Variants in THADA observed in about 807,000 individuals in gnomAD.
The protein encoded by THADA is tRNA (32-2'-O)-methyltransferase regulator THADA.
THADA carries 213 observed loss-of-function variants against 219.8 expected under a neutral mutation model. The ratio of observed to expected loss-of-function variants is 0.97; its 90% confidence interval spans 0.87 to 1.09. The LOEUF is 1.09. Ranked by LOEUF, THADA falls within the 50% of genes least tolerant of loss-of-function variation. The pLI is 0.00. For synonymous variants in THADA, 1,018 were observed against 828.9 expected (o/e 1.23, Z -3.92); for missense variants, 2,956 against 2,311.3 (o/e 1.28, Z -5.72).
intron 36 of THADA, among the ~76,000 whole-genome samples, chr2:43,277,545 G>A (rs920205821): frequency 6.6e-6 from 1 of 152,188 alleles, no homozygotes; most frequent in African/African-American, 2.4e-5. Context: ...CCTCCAGCAG[G>A]CTGCTAGGAG....
chr2:43,595,935 T>C lies in THADA; in HGVS notation c.-29A>G, dbSNP rs1702104902. 1.3e-5 allele frequency: 2 copies of C among 152,456 alleles called. No homozygotes were observed. The highest frequency in any genetic ancestry group is 4.1e-4 in the South Asian group (2 of 4,822). 9.4% of individuals were successfully genotyped at this position (152,456 alleles called of 1,614,324 possible). On this transcript the variant is annotated 5_prime_UTR_variant, in exon 1 of 38. Coordinates refer to ENST00000405975, the MANE Select transcript of THADA (RefSeq NM_022065.5). ...CAGGACACCTGGGAGCCAAACCTCG[T>C]GCACGTCGGCGTCTGAGAAGAGTCG...
chr2:43,251,078 G>C (rs1010810674), intron 36 of THADA, among the ~76,000 whole-genome samples: 1 of 152,158 alleles, frequency 6.6e-6, no homozygotes, highest in Admixed American at 6.5e-5. Context: ...AGCCTGAGAG[G>C]GGTGGTCTGC....
chr2:43,528,885 C>G (rs1043156157), intron 21 of THADA, among the ~76,000 whole-genome samples: 3 of 152,006 alleles, frequency 2.0e-5, no homozygotes, highest in Non-Finnish European at 1.5e-5. Flanking sequence ...TACATTCATA[C>G]TTTTGTACAA....
intron 26 of THADA, among the ~76,000 whole-genome samples, chr2:43,431,674 T>G (rs1679326939): frequency 2.3e-5 from 1 of 44,336 alleles, no homozygotes; most frequent in African/African-American, 1.5e-4. Context: ...TTTTTTTTTT[T>G]TTTTTTTTGA....
intron 8 of THADA, among the ~76,000 whole-genome samples, 170 bp from the exon 9 acceptor site, chr2:43,578,777 C>T (rs1410539865): frequency 6.6e-6 from 1 of 152,154 alleles, no homozygotes; most frequent in Non-Finnish European, 1.5e-5. Context: ...ACTCTCTTTT[C>T]TCTTGGGTAA....
intron 21 of THADA, among the ~76,000 whole-genome samples, chr2:43,532,761 G>C (rs947145560): frequency 5.3e-5 from 8 of 152,032 alleles, no homozygotes; most frequent in Admixed American, 1.3e-4. Flanking sequence ...GAGCAATCAG[G>C]CAAGAGAAAG....
intron 26 of THADA, among the ~76,000 whole-genome samples, chr2:43,458,518 G>C (rs1393448013): frequency 6.6e-6 from 1 of 152,120 alleles, no homozygotes; most frequent in East Asian, 1.9e-4. Flanking sequence ...TGAGATAAGA[G>C]ATCTGCAAGT....
At chr2:43,464,360 G>C (rs1295814268) in intron 26 of THADA, among the ~76,000 whole-genome samples, 2 of 152,174 alleles carry the variant, frequency 1.3e-5, no homozygotes, top group East Asian at 3.9e-4. Flanking sequence ...GGAAAAACAA[G>C]TTTTACTTTT....
intron 28 of THADA, among the ~76,000 whole-genome samples, chr2:43,411,954 A>G (rs1179233833): frequency 6.6e-6 from 1 of 152,212 alleles, no homozygotes; most frequent in Non-Finnish European, 1.5e-5. Context: ...ACATGTCAGT[A>G]AAGAATACTG....
At chr2:43,271,181 T>C (rs978349348) in intron 36 of THADA, among the ~76,000 whole-genome samples, 3 of 152,218 alleles carry the variant, frequency 2.0e-5, no homozygotes, top group African/African-American at 7.2e-5. Context: ...TGGGTCCCTA[T>C]GGATGAAACT....
At chr2:43,532,366 T>C (rs1574111956) in intron 21 of THADA, among the ~76,000 whole-genome samples, 1 of 146,654 alleles carries the variant, frequency 6.8e-6, no homozygotes, top group Non-Finnish European at 1.5e-5. Flanking sequence ...TGAGCCAAGA[T>C]TGTGCCACTG....
At chr2:43,476,154 C>T (rs948545066) in intron 26 of THADA, among the ~76,000 whole-genome samples, 4 of 152,136 alleles carry the variant, frequency 2.6e-5, no homozygotes, top group Non-Finnish European at 5.9e-5. Context: ...CTGGGCCATG[C>T]TAAGATGTTA....
intron 30 of THADA, among the ~76,000 whole-genome samples, chr2:43,330,113 C>T (rs368702633): frequency 6.6e-6 from 1 of 152,222 alleles, no homozygotes; most frequent in Non-Finnish European, 1.5e-5. Context: ...CTTGAGTATT[C>T]TCTGCCTCTC....
chr2:43,489,788 C>T (rs1687383042), intron 25 of THADA, among the ~76,000 whole-genome samples: 1 of 150,184 alleles, frequency 6.7e-6, no homozygotes, highest in Admixed American at 6.7e-5. Context: ...GAAATTGGGA[C>T]CTGTGGGGCC....
rs759747228 is a variant in THADA, at chr2:43,586,740, G to C, written c.452-6C>G. The C allele has an allele frequency of 6.2e-7, 1 of 1,612,112 alleles. No homozygotes were observed. ...ATTATTAACACTTGCTCTACCTGTA[G>C]AGGAAAAAATGAACACTGGTAAGGA... On this transcript the variant is annotated splice_region_variant and splice_polypyrimidine_tract_variant and intron_variant, in intron 5 of 37. Transcript: ENST00000405975.
intron 27 of THADA, among the ~76,000 whole-genome samples, chr2:43,429,687 C>T (rs1409921571): frequency 4.6e-5 from 7 of 150,978 alleles, no homozygotes; most frequent in Admixed American, 4.0e-4. Flanking sequence ...AAGAAATCAC[C>T]ATGTGATTCC....
chr2:43,231,352 G>C lies in THADA; in HGVS notation c.5467-9C>G. 6.6e-7 allele frequency: 1 copy of C among 1,510,934 alleles called. No homozygotes were observed. The highest frequency in any genetic ancestry group is 8.8e-7 in the Non-Finnish European group (1 of 1,131,402). 93.6% of individuals were successfully genotyped at this position (1,510,934 alleles called of 1,614,324 possible). On this transcript the variant is annotated splice_polypyrimidine_tract_variant and intron_variant, in intron 37 of 37. Coordinates refer to ENST00000405975, the MANE Select transcript of THADA (RefSeq NM_022065.5). ...AGGTAGTCTTCTTCCACCTAAATCA[G>C]ATGAAAAAGCCGAAAGTCAGTCTTA...
chr2:43,466,920 C>A (rs985322422), intron 26 of THADA, among the ~76,000 whole-genome samples: 1 of 150,314 alleles, frequency 6.7e-6, no homozygotes, highest in Non-Finnish European at 1.5e-5. Flanking sequence ...CGGTGGCTCA[C>A]GCCTGTAATC....
rs554553424 is a variant in THADA, at chr2:43,378,709, G to A, written c.4227+19262C>T. ...CAACCTCCACTTCCAGGGTTCAAGC[G>A]ATTTTCCTGCCTCAGCCTCCTGAAT... On this transcript the variant is annotated intron_variant, in intron 29 of 37. Coordinates refer to ENST00000405975, the MANE Select transcript of THADA (RefSeq NM_022065.5). Among the ~76,000 whole-genome samples, 17 of 152,258 alleles carry A rather than the reference G, an allele frequency of 1.1e-4. No homozygotes were observed. In the East Asian group the frequency reaches 2.1e-3, roughly 19 times the overall value.
Sources: gnomAD v4.1 joint callset for allele counts (sites outside exome capture counted in the v4.1 genomes callset) on GRCh38, gnomAD v4.1.1 for gene constraint, MANE v1.5 for transcripts, NCBI Gene and HGNC (gene_info 2026-07-23, HGNC 2026-07-21) for gene names.